CSMD3: variants seen among roughly 807,000 people sequenced by gnomAD.
CSMD3 encodes CUB and Sushi multiple domains 3.
Under a neutral mutation model 435.2 loss-of-function variants are expected in CSMD3, and 177 were observed. The ratio of observed to expected loss-of-function variants is 0.41; its 90% CI spans 0.36 to 0.46. The LOEUF is 0.46. CSMD3 is among the 20% of genes least tolerant of loss of function. The pLI is 0.34. For missense variants in CSMD3, 4,265 were observed against 4,504.6 expected (o/e 0.95, Z 1.52); for synonymous variants, 1,656 against 1,520.5 (o/e 1.09, Z -2.07).
chr8:112,987,409 T>C (rs925683413), intron 6 of CSMD3, among the ~76,000 whole-genome samples: 6 of 152,078 alleles, frequency 3.9e-5, no homozygotes, highest in African/African-American at 1.4e-4. Context: ...TTTAAATAAA[T>C]AGATACCAAA....
chr8:112,349,347 CA>C (rs1375842608), intron 40 of CSMD3, among the ~76,000 whole-genome samples: 1 of 151,698 alleles, frequency 6.6e-6, no homozygotes, highest in Non-Finnish European at 1.5e-5. Context: ...ACGTTAACAT[CA>C]AAAAGAAAAA....
chr8:113,002,957 T>C (rs2085918816), intron 6 of CSMD3, among the ~76,000 whole-genome samples: 1 of 152,094 alleles, frequency 6.6e-6, no homozygotes, highest in Admixed American at 6.6e-5. Context: ...TAACTAGTGT[T>C]GGCCAGGCAC....
At chr8:113,027,376 AC>A (rs1366078202) in intron 5 of CSMD3, among the ~76,000 whole-genome samples, 2 of 152,194 alleles carry the variant, frequency 1.3e-5, no homozygotes, top group African/African-American at 4.8e-5. Context: ...TGTGCGGGGT[AC>A]TAAAAGTTGA....
chr8:113,201,969 C>T (rs2092720529), intron 3 of CSMD3, among the ~76,000 whole-genome samples: 1 of 151,930 alleles, frequency 6.6e-6, no homozygotes, highest in African/African-American at 2.4e-5. Context: ...CCCAAACTGC[C>T]ACAGCTAGTA....
chr8:112,650,126 A>G (rs1398422605), intron 19 of CSMD3, 35 bp downstream of exon 19: 1 of 1,414,862 alleles, frequency 7.1e-7, no homozygotes, highest in Non-Finnish European at 1.0e-6. Flanking sequence ...TCTGTTTATA[A>G]ATCAGCATAT....
At chr8:112,723,903 C>A (rs2076912188) in intron 13 of CSMD3, among the ~76,000 whole-genome samples, 1 of 151,934 alleles carries the variant, frequency 6.6e-6, no homozygotes, top group South Asian at 2.1e-4. Flanking sequence ...AGTACCCACT[C>A]TAAGCCATGT....
Position 112,710,452 on chromosome 8 carries a change from C to T in CSMD3, c.1973-20402G>A, listed in dbSNP as rs548033189. 4.6e-5 allele frequency among the ~76,000 whole-genome samples: 7 copies of T among 152,128 alleles called. No homozygotes were observed. The East Asian group carries it at 5.8e-4, about 13-fold the overall frequency. The stretch of plus-strand genomic sequence containing the variant: ...TAAAAATAATTTTCTTTCTATACTG[C>T]TTTTGTGGAGAGGCTTTCTGTACTG... On this transcript the variant is annotated intron_variant, in intron 13 of 70. Transcript: ENST00000297405.
At chr8:112,728,386 C>T (rs543377366) in intron 13 of CSMD3, among the ~76,000 whole-genome samples, 11 of 151,934 alleles carry the variant, frequency 7.2e-5, no homozygotes, top group East Asian at 3.9e-4. Context: ...TATCTATACA[C>T]GTATGTATGT....
At chr8:113,084,209 T>C (rs1297947650) in intron 5 of CSMD3, among the ~76,000 whole-genome samples, 1 of 152,130 alleles carries the variant, frequency 6.6e-6, no homozygotes, top group Admixed American at 6.6e-5. Flanking sequence ...TAGAGAAATG[T>C]AGACTCTACC....
chr8:112,834,965 G>A (rs966719754), intron 11 of CSMD3, among the ~76,000 whole-genome samples: 3 of 151,772 alleles, frequency 2.0e-5, no homozygotes, highest in Non-Finnish European at 2.9e-5. Context: ...TTTAAATAAT[G>A]TATAATTGTC....
At chr8:112,983,359 G>A (rs2085122610) in intron 6 of CSMD3, among the ~76,000 whole-genome samples, 1 of 151,346 alleles carries the variant, frequency 6.6e-6, no homozygotes, top group Non-Finnish European at 1.5e-5. Flanking sequence ...AATTGTAGAT[G>A]TTCTTTAATG....
chr8:112,775,462 C>G (rs185316891), intron 13 of CSMD3, among the ~76,000 whole-genome samples: 1,783 of 151,782 alleles, frequency 0.012, 16 homozygotes, highest in Non-Finnish European at 0.018. Context: ...ATATTATATA[C>G]AATAATTTAT....
At chr8:113,280,463 A>AGT (rs1453054938) in intron 2 of CSMD3, among the ~76,000 whole-genome samples, 1 of 151,990 alleles carries the variant, frequency 6.6e-6, no homozygotes, top group Admixed American at 6.6e-5. Flanking sequence ...AGGTGTTCAC[A>AGT]GTAGCCTTGA....
At chr8:112,406,416 A>G (rs1043401724) in intron 35 of CSMD3, 108 bp downstream of exon 35, 18 of 593,484 alleles carry the variant, frequency 3.0e-5, no homozygotes, top group Middle Eastern at 9.0e-4. Flanking sequence ...TAAATTATTT[A>G]AAATTAAGTA....
intron 10 of CSMD3, among the ~76,000 whole-genome samples, chr8:112,919,479 T>C (rs904484564): frequency 6.6e-6 from 1 of 151,892 alleles, no homozygotes; most frequent in Non-Finnish European, 1.5e-5. Context: ...GTCTCAATCT[T>C]ACTTTATGTA....
intron 63 of CSMD3, 45 bp downstream of exon 63, chr8:112,254,208 T>A (rs752773027): frequency 3.0e-6 from 4 of 1,350,036 alleles, no homozygotes; most frequent in Non-Finnish European, 4.3e-6. Context: ...CAAAGACGCA[T>A]TCTGACCTAG....
In CSMD3 at chr8:113,414,651, CAAAAAAAAA is replaced by C. The variant is rs780988317; in HGVS notation, c.178+22017_178+22025del. Among the ~76,000 whole-genome samples, 149 of 85,068 alleles carry C rather than the reference CAAAAAAAAA, an allele frequency of 1.8e-3. 1 individual carries two copies. Among genetic ancestry groups the C allele is most frequent in the African/African-American group, 5.7e-3 (143 of 25,164 alleles). 55.8% of individuals were successfully genotyped at this position (85,068 alleles called of 152,430 possible). A position where few individuals can be genotyped will look rare whatever the true frequency, so the allele number is the denominator to read the frequency against. Reference sequence around the variant, plus strand: ...GCACATTTTCAAATGTGCCCAAATACAAAAAAAAAAAAAAAAAAAAAAGTACTGGGAGGG... The same window carrying C: ...GCACATTTTCAAATGTGCCCAAATACAAAAAAAAAAAAAGTACTGGGAGGG... On this transcript the variant is annotated intron_variant, in intron 1 of 70. Transcript: ENST00000297405.
At chr8:112,586,821 T>G (rs1303389059) in intron 23 of CSMD3, among the ~76,000 whole-genome samples, 1 of 148,654 alleles carries the variant, frequency 6.7e-6, no homozygotes, top group African/African-American at 2.5e-5. Context: ...ACATTAAAAT[T>G]TATGTATCAT....
chr8:112,402,434 G>A (rs1173678955), intron 35 of CSMD3, among the ~76,000 whole-genome samples: 1 of 152,104 alleles, frequency 6.6e-6, no homozygotes, highest in Non-Finnish European at 1.5e-5. Flanking sequence ...CTTGGCATAT[G>A]TAGGTTCTTT....
Sources: gnomAD v4.1 joint callset for allele counts (sites outside exome capture counted in the v4.1 genomes callset) on GRCh38, gnomAD v4.1.1 for gene constraint, MANE v1.5 for transcripts, NCBI Gene and HGNC (gene_info 2026-07-23, HGNC 2026-07-21) for gene names.